LARGE1: variants seen among roughly 807,000 people sequenced by gnomAD.
The protein encoded by LARGE1 is xylosyl- and glucuronyltransferase LARGE1.
LARGE1 carries 43 observed loss-of-function variants against 87.6 expected under a neutral mutation model. The ratio of observed to expected loss-of-function variants is 0.49; its 90% CI spans 0.38 to 0.63. LARGE1 has a LOEUF of 0.63. LARGE1 is among the 30% of genes least tolerant of loss of function. LARGE1 has a pLI of 0.00. For missense variants in LARGE1, 802 were observed against 1,000.2 expected (o/e 0.80, Z 2.67); for synonymous variants, 434 against 394.6 (o/e 1.10, Z -1.18).
chr22:33,402,919 C>T (rs963394062), intron 7 of LARGE1, among the ~76,000 whole-genome samples: 8 of 152,102 alleles, frequency 5.3e-5, no homozygotes, highest in South Asian at 2.1e-4. Flanking sequence ...ACAGAAAGAT[C>T]GAGTAAGCAA....
intron 1 of LARGE1, among the ~76,000 whole-genome samples, chr22:33,775,435 T>C (rs904929929): frequency 3.3e-5 from 5 of 152,224 alleles, no homozygotes; most frequent in African/African-American, 9.6e-5. Context: ...CTCTTTTAAC[T>C]GCTAGACTTT....
rs200366425 is a variant in LARGE1 at position 33,305,838 on chromosome 22, C to CTTTTT, written c.1452-1336_1452-1332dup. On this transcript the variant is annotated intron_variant, in intron 11 of 14. Coordinates refer to ENST00000397394, the MANE Select transcript of LARGE1 (RefSeq NM_133642.5). ...AAATTGACCAGAAACATTTCTTTTTCTTTTTCTTTTTTTTTTTTTTGAGGC... is the reference window on the plus strand; with the variant it reads ...AAATTGACCAGAAACATTTCTTTTTCTTTTTTTTTTCTTTTTTTTTTTTTTGAGGC... Among the ~76,000 whole-genome samples the CTTTTT allele has an allele frequency of 1.1e-3, 140 of 126,492 alleles. 10 individuals carry two copies. The highest frequency in any genetic ancestry group is 3.0e-3 in the African/African-American group (94 of 30,946). The allele number at this position is 126,492 out of a possible 152,430, so 83.0% of individuals were successfully genotyped here. A position where few individuals can be genotyped will look rare whatever the true frequency, so the allele number is the denominator to read the frequency against.
upstream of LARGE1, among the ~76,000 whole-genome samples, chr22:33,922,200 G>A (rs1271715896): frequency 6.7e-6 from 1 of 148,818 alleles, no homozygotes; most frequent in Non-Finnish European, 1.5e-5. Flanking sequence ...AGGATGGGCT[G>A]GGGAGGGGGC....
intron 11 of LARGE1, among the ~76,000 whole-genome samples, chr22:33,175,936 G>A (rs377686269): frequency 1.3e-5 from 2 of 152,238 alleles, no homozygotes; most frequent in South Asian, 4.1e-4. Context: ...AAACAGCATG[G>A]TACTGGTACC....
chr22:33,894,098 T>C (rs945987077), intron 1 of LARGE1, among the ~76,000 whole-genome samples: 3 of 151,952 alleles, frequency 2.0e-5, no homozygotes, highest in Non-Finnish European at 4.4e-5. Flanking sequence ...CTATGAGCAC[T>C]CAGGGTCACC....
chr22:33,161,113 A>T (rs1459914553), downstream of LARGE1, among the ~76,000 whole-genome samples: 2 of 152,294 alleles, frequency 1.3e-5, no homozygotes, highest in Admixed American at 1.3e-4. Context: ...GGGTGGCAGG[A>T]GAGAGAAATG....
intron 6 of LARGE1, among the ~76,000 whole-genome samples, chr22:33,461,425 A>G (rs1328848449): frequency 1.3e-5 from 2 of 152,134 alleles, no homozygotes; most frequent in Non-Finnish European, 2.9e-5. Context: ...GACAGAAGTG[A>G]TATTGTGGGA....
chr22:33,195,781 G>A (rs958702401), intron 11 of LARGE1, among the ~76,000 whole-genome samples: 1 of 138,918 alleles, frequency 7.2e-6, no homozygotes, highest in Non-Finnish European at 1.5e-5. Flanking sequence ...TTGAGACGGA[G>A]TCTTGCTCTG....
the LARGE1 span, among the ~76,000 whole-genome samples, chr22:33,079,379 C>T: frequency 6.6e-6 from 1 of 151,770 alleles, no homozygotes; most frequent in Non-Finnish European, 1.5e-5. Context: ...AGGCGCCCGC[C>T]ACCACGCCCG....
intron 2 of LARGE1, among the ~76,000 whole-genome samples, chr22:33,689,766 G>C (rs2082044557): frequency 3.7e-5 from 1 of 26,872 alleles, no homozygotes; most frequent in Non-Finnish European, 5.7e-5. Flanking sequence ...CTCTACTAAA[G>C]ATAAAAAAAA....
intron 10 of LARGE1, among the ~76,000 whole-genome samples, chr22:33,336,764 C>CT (rs2146556803): frequency 6.6e-6 from 1 of 152,016 alleles, no homozygotes; most frequent in East Asian, 1.9e-4. Context: ...TTACTCAACT[C>CT]TAAAAAGTCG....
chr22:33,400,366 G>T (rs1279382864), intron 7 of LARGE1, among the ~76,000 whole-genome samples: 1 of 152,160 alleles, frequency 6.6e-6, no homozygotes, highest in Admixed American at 6.5e-5. Flanking sequence ...AGATGCAGTA[G>T]CATAGAACAG....
At chr22:33,525,623 G>GT (rs1303956310) in intron 6 of LARGE1, among the ~76,000 whole-genome samples, 1 of 151,954 alleles carries the variant, frequency 6.6e-6, no homozygotes, top group Non-Finnish European at 1.5e-5. Flanking sequence ...TAGGTGACCC[G>GT]TAAGTCCTGG....
At chr22:33,117,018 G>A in the LARGE1 span, among the ~76,000 whole-genome samples, 1,467 of 152,284 alleles carry the variant, frequency 9.6e-3, 19 homozygotes, top group African/African-American at 0.034. Flanking sequence ...GCTGGCAATG[G>A]CAGGTATCTT....
At position 33,436,864 on chromosome 22, in the gene LARGE1, C is replaced by T. The variant is rs371110079; in HGVS notation, c.788-4599G>A. ...TTGGGATAGCTGAGCAATTCCAACT[C>T]TGGGTTTTGGTGCTAGGAAGAGCCA... is the stretch of plus-strand genomic sequence containing the variant. On this transcript the variant is annotated intron_variant, in intron 6 of 14. Coordinates refer to ENST00000397394, the MANE Select transcript of LARGE1 (RefSeq NM_133642.5). Among the ~76,000 whole-genome samples the T allele has an allele frequency of 4.3e-4, 66 of 152,228 alleles. 3 individuals are homozygous for T. The South Asian group carries it at 0.014, about 32-fold the overall frequency.
chr22:33,738,747 A>T (rs239329), intron 2 of LARGE1, among the ~76,000 whole-genome samples: 3 of 151,352 alleles, frequency 2.0e-5, no homozygotes, highest in East Asian at 2.0e-4. Context: ...TGGGAGGCTG[A>T]GGCCAGAGAG....
chr22:33,479,776 A>C (rs5749618), intron 6 of LARGE1, among the ~76,000 whole-genome samples: 6 of 147,726 alleles, frequency 4.1e-5, no homozygotes, highest in African/African-American at 1.5e-4. Context: ...ACAGAGTCTC[A>C]CTTTGTCGCC....
At position 33,549,212 on chromosome 22, in the gene LARGE1, AGAG is replaced by A; in HGVS notation, c.787+15633_787+15635del. On this transcript the variant is annotated intron_variant, in intron 6 of 14. Coordinates refer to ENST00000397394, the MANE Select transcript of LARGE1 (RefSeq NM_133642.5). ...CATGGGCAAGCCCAGTGCATGGTGC[AGAG>A]AAGAGACCAGCATATTTGTCTTCAT... Among the ~76,000 whole-genome samples the A allele has an allele frequency of 1.3e-5, 2 of 152,366 alleles. 1 individual carries two copies. The highest frequency in any genetic ancestry group is 6.8e-3 in the Middle Eastern group (2 of 294).
intron 9 of LARGE1, among the ~76,000 whole-genome samples, chr22:33,374,813 C>T (rs765620270): frequency 3.3e-5 from 5 of 152,004 alleles, no homozygotes; most frequent in Non-Finnish European, 5.9e-5. Flanking sequence ...AAATTCTAGA[C>T]ATTATGTTGT....
Sources: gnomAD v4.1 joint callset for allele counts (sites outside exome capture counted in the v4.1 genomes callset) on GRCh38, gnomAD v4.1.1 for gene constraint, MANE v1.5 for transcripts, NCBI Gene and HGNC (gene_info 2026-07-23, HGNC 2026-07-21) for gene names.